Variants in FOXJ3 observed in about 807,000 individuals in gnomAD.
FOXJ3 encodes forkhead box J3.
Under a neutral mutation model 76.1 loss-of-function variants are expected in FOXJ3, and 22 were observed. That is an observed-to-expected ratio of 0.29 (90% CI 0.21 to 0.41). FOXJ3 has a LOEUF of 0.41. Among genes scored for constraint, FOXJ3 ranks in the 10% least tolerant of loss-of-function variants. FOXJ3 has a pLI of 1.00. For missense variants in FOXJ3, 613 were observed against 762.1 expected (o/e 0.80, Z 2.30); for synonymous variants, 269 against 261.2 (o/e 1.03, Z -0.29).
intron 1 of FOXJ3, among the ~76,000 whole-genome samples, chr1:42,319,485 G>A (rs1655311802): frequency 6.6e-6 from 1 of 152,166 alleles, no homozygotes; most frequent in Non-Finnish European, 1.5e-5. Context: ...GTTTCTTAGG[G>A]TTAGCAGTAA....
intron 11 of FOXJ3, among the ~76,000 whole-genome samples, chr1:42,187,361 C>T (rs1032314614): frequency 6.6e-6 from 1 of 151,884 alleles, no homozygotes; most frequent in Non-Finnish European, 1.5e-5. Context: ...CACTCAGAAG[C>T]AACAATTTTG....
chr1:42,232,687 G>C (rs1241298827), intron 4 of FOXJ3, among the ~76,000 whole-genome samples: 2 of 152,138 alleles, frequency 1.3e-5, no homozygotes, highest in Non-Finnish European at 2.9e-5. Context: ...GTAGATTCTG[G>C]ACATTAGCCC....
rs1392602861 is a variant in FOXJ3, at chr1:42,191,694, A to G, written c.960T>C (p.Ser320=). The change falls in exon 9 of 13, where the codon TCT becomes TCC. Residue 320 remains serine (S), a synonymous_variant. Transcript: ENST00000361346. ...TACATGAAGTGTGGGACTGCTGGGA[A>G]GATTCAGAAGGGATGTTCATCAAAC... The part of the protein sequence containing the change: ...QQGLMNIPSE[S]SQQSHTSCTY... The G allele has an allele frequency of 1.2e-6, 2 of 1,612,274 alleles. No homozygotes were observed. The highest frequency in any genetic ancestry group is 1.7e-5 in the Admixed American group (1 of 59,966).
At chr1:42,282,394 C>T (rs144092031) in intron 2 of FOXJ3, among the ~76,000 whole-genome samples, 112 of 152,276 alleles carry the variant, frequency 7.4e-4, no homozygotes, top group African/African-American at 2.5e-3. Context: ...CTAACTCCTA[C>T]TATACTACAT....
intron 4 of FOXJ3, among the ~76,000 whole-genome samples, chr1:42,236,868 C>T (rs913943694): frequency 6.6e-6 from 1 of 152,146 alleles, no homozygotes; most frequent in African/African-American, 2.4e-5. Context: ...TGTGGTTGTG[C>T]CTCAGTGATT....
Position 42,177,787 on chromosome 1 carries a change from TCACA to T in FOXJ3, c.*1919_*1922del, listed in dbSNP as rs1646242327. On this transcript the variant is annotated 3_prime_UTR_variant, in exon 13 of 13. Coordinates refer to ENST00000361346, the MANE Select transcript of FOXJ3 (RefSeq NM_014947.5). ...CACACACACACGCGCGCGCACACTC[TCACA>T]CACAGCACACACACACAGAAACAAA... is the stretch of plus-strand genomic sequence containing the variant. The T allele has an allele frequency of 1.3e-5, 2 of 152,218 alleles. No individual in the cohort carries two copies. The highest frequency in any genetic ancestry group is 2.9e-5 in the Non-Finnish European group (2 of 67,970). The allele number at this position is 152,218 out of a possible 1,614,324, so 9.4% of individuals were successfully genotyped here. A position where few individuals can be genotyped will look rare whatever the true frequency, so the allele number is the denominator to read the frequency against.
chr1:42,230,806 A>C (rs1444367470), intron 4 of FOXJ3, among the ~76,000 whole-genome samples: 1 of 152,208 alleles, frequency 6.6e-6, no homozygotes, highest in Admixed American at 6.5e-5. Flanking sequence ...TTCCTAAAAA[A>C]ATTAAACAGA....
intron 5 of FOXJ3, among the ~76,000 whole-genome samples, chr1:42,225,566 T>C (rs1239761307): frequency 1.3e-5 from 2 of 152,204 alleles, no homozygotes; most frequent in Non-Finnish European, 2.9e-5. Flanking sequence ...AGCTAATCTC[T>C]TTGTATGCTC....
At chr1:42,280,870 T>C (rs542933635) in intron 2 of FOXJ3, among the ~76,000 whole-genome samples, 2 of 152,358 alleles carry the variant, frequency 1.3e-5, no homozygotes, top group Non-Finnish European at 2.9e-5. Context: ...GCTTATATTA[T>C]TATTCACATT....
At chr1:42,193,700 A>C (rs1646595009) in intron 8 of FOXJ3, among the ~76,000 whole-genome samples, 2 of 152,212 alleles carry the variant, frequency 1.3e-5, no homozygotes, top group African/African-American at 4.8e-5. Flanking sequence ...ATTAAAATGC[A>C]AACAGTATAA....
intron 6 of FOXJ3, among the ~76,000 whole-genome samples, chr1:42,204,300 G>A (rs1432710611): frequency 6.6e-6 from 1 of 152,000 alleles, no homozygotes; most frequent in African/African-American, 2.4e-5. Flanking sequence ...AGGTGGGTGG[G>A]GAGGGGTGTG....
At position 42,297,185 on chromosome 1, in the gene FOXJ3, G is replaced by A. The variant is rs555623839; in HGVS notation, c.44+13865C>T. On this transcript the variant is annotated intron_variant, in intron 2 of 12. Transcript: ENST00000361346. ...TATCCTGAAACTTCAACGAAGTCTA[G>A]GAGTCTTTAGACTTTTCTAAGTATA... Among the ~76,000 whole-genome samples the A allele has an allele frequency of 3.9e-5, 6 of 152,202 alleles. No homozygotes were observed. In the East Asian group the frequency reaches 9.7e-4, roughly 24 times the overall value.
intron 1 of FOXJ3, among the ~76,000 whole-genome samples, chr1:42,311,782 C>A (rs565234150): frequency 1.3e-5 from 2 of 152,210 alleles, no homozygotes; most frequent in African/African-American, 4.8e-5. Context: ...TATATAACTT[C>A]AATGAACCTC....
At chr1:42,231,604 C>T (rs887138685) in intron 4 of FOXJ3, among the ~76,000 whole-genome samples, 5 of 152,146 alleles carry the variant, frequency 3.3e-5, no homozygotes, top group Non-Finnish European at 5.9e-5. Flanking sequence ...GAACTGTACA[C>T]CTAAAATGAT....
intron 1 of FOXJ3, among the ~76,000 whole-genome samples, chr1:42,331,049 G>A (rs1656127617): frequency 6.6e-6 from 1 of 152,126 alleles, no homozygotes; most frequent in Admixed American, 6.6e-5. Flanking sequence ...GGGTTGGCAG[G>A]GTGAAGATTC....
chr1:42,330,043 G>A (rs913434188), intron 1 of FOXJ3, among the ~76,000 whole-genome samples: 7 of 151,834 alleles, frequency 4.6e-5, no homozygotes, highest in Non-Finnish European at 8.8e-5. Context: ...TAAAACTACC[G>A]TATTTATAAA....
At chr1:42,264,910 A>G (rs577704111) in intron 4 of FOXJ3, 10 of 495,704 alleles carry the variant, frequency 2.0e-5, no homozygotes, top group East Asian at 1.9e-4. Context: ...TAGAAACAGC[A>G]AAGTACAACA....
chr1:42,242,910 CAA>C (rs1649261463), intron 4 of FOXJ3, among the ~76,000 whole-genome samples: 1 of 151,772 alleles, frequency 6.6e-6, no homozygotes, highest in South Asian at 2.1e-4. Flanking sequence ...CTCAAACTGG[CAA>C]AAGTCAAACA....
At chr1:42,225,862 A>G (rs1647514594) in intron 5 of FOXJ3, among the ~76,000 whole-genome samples, 1 of 152,186 alleles carries the variant, frequency 6.6e-6, no homozygotes, top group Non-Finnish European at 1.5e-5. Context: ...AAAAAAAAGG[A>G]AGACTCTCAA....
Sources: allele counts gnomAD v4.1 joint callset (sites outside exome capture counted in the v4.1 genomes callset), GRCh38; gene constraint gnomAD v4.1.1; transcripts MANE v1.5; gene names NCBI Gene and HGNC (gene_info 2026-07-23, HGNC 2026-07-21).